The following PDZRN4 variants were observed in gnomAD, a reference collection of about 807,000 sequenced individuals.
The protein encoded by PDZRN4 is PDZ domain containing ring finger 4.
Under a neutral mutation model 99.0 loss-of-function variants are expected in PDZRN4, and 70 were observed. That is an observed-to-expected ratio of 0.71 (90% CI 0.58 to 0.86). The LOEUF (loss-of-function observed/expected upper bound fraction) is 0.86, where lower values mean the gene tolerates loss of function less well. Ranked by LOEUF, PDZRN4 falls within the 40% of genes least tolerant of loss-of-function variation. The pLI is 0.00. For missense variants in PDZRN4, 1,474 were observed against 1,331.2 expected, an observed-to-expected ratio of 1.11 and a Z score of -1.67; for synonymous variants, 551 against 501.6, an observed-to-expected ratio of 1.10 and a Z score of -1.32.
chr12:41,193,962 C>T (rs1950753721), intron 2 of PDZRN4, 119 bp from the exon 3 acceptor site: 1 of 608,506 alleles, frequency 1.6e-6, no homozygotes, highest in Admixed American at 2.9e-5. Context: ...GTTCCAAATC[C>T]CCAGCTAAGA....
chr12:41,523,012 G>A (rs1378894014), intron 5 of PDZRN4, among the ~76,000 whole-genome samples: 1 of 151,946 alleles, frequency 6.6e-6, no homozygotes, highest in Non-Finnish European at 1.5e-5. Flanking sequence ...ACTCTTATTG[G>A]AAGAGAAGTT....
In PDZRN4 at chr12:41,573,931, C is replaced by A. The variant is rs1939533061; in HGVS notation, c.*41C>A. 3 of 1,395,198 alleles carry A rather than the reference C, an allele frequency of 2.2e-6. No individual in the cohort carries two copies. The highest frequency in any genetic ancestry group is 2.9e-6 in the Non-Finnish European group (3 of 1,031,804). The allele number at this position is 1,395,198 out of a possible 1,614,324, so 86.4% of individuals were successfully genotyped here. A position where few individuals can be genotyped will look rare whatever the true frequency, so the allele number is the denominator to read the frequency against. On this transcript the variant is annotated 3_prime_UTR_variant, in exon 10 of 10. Coordinates refer to ENST00000402685, the MANE Select transcript of PDZRN4 (RefSeq NM_001164595.2). ...GCATGCGACTGATTTTAGGAGGATG[C>A]TACCAGTTTCGGTAGAGTATGATTG...
chr12:41,489,106 A>T (rs1937832355), intron 3 of PDZRN4, among the ~76,000 whole-genome samples: 1 of 152,104 alleles, frequency 6.6e-6, no homozygotes, highest in Non-Finnish European at 1.5e-5. Context: ...TTTTTAGCTC[A>T]TCAGCTATTG....
rs114260241 is a variant in PDZRN4 at position 41,200,351 on chromosome 12, G to A, written c.843+6163G>A. ...CAGATTTTCCAACTAGGTGGTCATC[G>A]TGGTTTTGCCACATCACTGAGACTT... On this transcript the variant is annotated intron_variant, in intron 3 of 9. Coordinates refer to ENST00000402685, the MANE Select transcript of PDZRN4 (RefSeq NM_001164595.2). Among the ~76,000 whole-genome samples, 388 of 152,212 alleles carry A rather than the reference G, an allele frequency of 2.5e-3. 2 individuals are homozygous for A. Among genetic ancestry groups the A allele is most frequent in the African/African-American group, 8.7e-3 (361 of 41,542 alleles).
At chr12:41,367,664 A>C (rs1952011471) in intron 3 of PDZRN4, among the ~76,000 whole-genome samples, 1 of 152,074 alleles carries the variant, frequency 6.6e-6, no homozygotes, top group Non-Finnish European at 1.5e-5. Context: ...TATTGCCATA[A>C]AATAGCTTGG....
intron 3 of PDZRN4, among the ~76,000 whole-genome samples, chr12:41,395,255 G>A (rs1292515334): frequency 6.6e-6 from 1 of 151,950 alleles, no homozygotes; most frequent in African/African-American, 2.4e-5. Flanking sequence ...AAAAAGCAAA[G>A]TATCTGCTCC....
intron 3 of PDZRN4, among the ~76,000 whole-genome samples, chr12:41,219,647 G>A (rs1052611819): frequency 6.6e-6 from 1 of 151,946 alleles, no homozygotes; most frequent in African/African-American, 2.4e-5. Flanking sequence ...GCCTTGAAGA[G>A]GCACAAAGTT....
intron 1 of PDZRN4, among the ~76,000 whole-genome samples, chr12:41,190,370 A>G (rs1325282793): frequency 2.0e-5 from 3 of 152,214 alleles, no homozygotes; most frequent in African/African-American, 7.2e-5. Flanking sequence ...AAATTTACAA[A>G]ACGGGAGGAC....
At chr12:41,490,281 A>C (rs564825014) in intron 3 of PDZRN4, among the ~76,000 whole-genome samples, 18 of 152,294 alleles carry the variant, frequency 1.2e-4, no homozygotes, top group African/African-American at 4.3e-4. Context: ...AGTTTTCTCC[A>C]GGTCTACATT....
At chr12:41,242,540 A>T (rs1460023419) in intron 3 of PDZRN4, among the ~76,000 whole-genome samples, 2 of 152,310 alleles carry the variant, frequency 1.3e-5, no homozygotes, top group East Asian at 3.9e-4. Context: ...ATTCAGGATC[A>T]ACACAAAGCA....
chr12:41,495,828 C>T (rs1292678909), intron 3 of PDZRN4, among the ~76,000 whole-genome samples: 1 of 152,042 alleles, frequency 6.6e-6, no homozygotes, highest in African/African-American at 2.4e-5. Context: ...CATGCCTCAA[C>T]CCTGGGGTTC....
At chr12:41,463,821 G>A (rs1391404860) in intron 3 of PDZRN4, among the ~76,000 whole-genome samples, 5 of 152,096 alleles carry the variant, frequency 3.3e-5, no homozygotes, top group South Asian at 2.1e-4. Flanking sequence ...ACTTAGATAC[G>A]GCCTCTGATA....
At position 41,284,691 on chromosome 12, in the gene PDZRN4, A is replaced by AG. The variant is rs1169882648; in HGVS notation, c.843+90504dup. 3.9e-5 allele frequency among the ~76,000 whole-genome samples: 6 copies of AG among 152,210 alleles called. 1 individual carries two copies. On this transcript the variant is annotated intron_variant, in intron 3 of 9. Transcript: ENST00000402685. ...ACCAATGACACAGAACAGAAGCCTC[A>AG]GAAATAATGCCACACACCTAAAACC...
intron 5 of PDZRN4, among the ~76,000 whole-genome samples, chr12:41,525,877 A>G (rs1938559641): frequency 6.6e-6 from 1 of 152,170 alleles, no homozygotes; most frequent in Non-Finnish European, 1.5e-5. Flanking sequence ...CCATTTGTAT[A>G]TTTGACTTTC....
At chr12:41,504,514 C>T (rs980209577) in intron 3 of PDZRN4, among the ~76,000 whole-genome samples, 21 of 152,128 alleles carry the variant, frequency 1.4e-4, no homozygotes, top group African/African-American at 5.1e-4. Context: ...ATACTGACCA[C>T]AATATGAAAC....
intron 3 of PDZRN4, among the ~76,000 whole-genome samples, chr12:41,249,187 A>G (rs79435483): frequency 0.033 from 4,975 of 152,324 alleles, 149 homozygotes; most frequent in East Asian, 0.12. Flanking sequence ...CTCAATGTCT[A>G]AACATGCAGG....
intron 5 of PDZRN4, among the ~76,000 whole-genome samples, chr12:41,534,685 A>T (rs1400452713): frequency 6.6e-6 from 1 of 152,056 alleles, no homozygotes; most frequent in Non-Finnish European, 1.5e-5. Flanking sequence ...AAATATCTTT[A>T]CTTTACCCTT....
chr12:41,235,548 G>A (rs963464356), intron 3 of PDZRN4, among the ~76,000 whole-genome samples: 61 of 152,128 alleles, frequency 4.0e-4, no homozygotes, highest in African/African-American at 1.4e-3. Flanking sequence ...GAATGGTGAG[G>A]ATTTTGGGGA....
intron 3 of PDZRN4, among the ~76,000 whole-genome samples, chr12:41,259,339 G>T (rs983725352): frequency 3.3e-5 from 5 of 151,944 alleles, no homozygotes; most frequent in African/African-American, 1.2e-4. Context: ...TACATAGAAA[G>T]AAACCGTTCA....
Sources: allele counts gnomAD v4.1 joint callset (sites outside exome capture counted in the v4.1 genomes callset), GRCh38; gene constraint gnomAD v4.1.1; transcripts MANE v1.5; gene names NCBI Gene and HGNC (gene_info 2026-07-23, HGNC 2026-07-21).